ZNF680: variants seen among roughly 807,000 people sequenced by gnomAD.
ZNF680 encodes zinc finger protein 680.
ZNF680 carries 6 observed loss-of-function variants against 12.1 expected under a neutral mutation model. The ratio of observed to expected loss-of-function variants is 0.49; its 90% CI spans 0.27 to 0.98. The LOEUF (loss-of-function observed/expected upper bound fraction) is 0.98. ZNF680 is among the 50% of genes least tolerant of loss of function. ZNF680 has a pLI of 0.12. For synonymous variants in ZNF680, 170 were observed against 199.3 expected, an observed-to-expected ratio of 0.85 and a Z score of 1.24; for missense variants, 561 against 616.3, an observed-to-expected ratio of 0.91 and a Z score of 0.95.
chr7:64,519,528 C>G (rs914334906), downstream of ZNF680, among the ~76,000 whole-genome samples: 1 of 151,752 alleles, frequency 6.6e-6, no homozygotes, highest in African/African-American at 2.4e-5. Context: ...AAAAAAGATA[C>G]TTGCACACAC....
chr7:64,510,023 T>TAAA, the ZNF680 span, among the ~76,000 whole-genome samples: 1,321 of 105,854 alleles, frequency 0.012, 36 homozygotes, highest in African/African-American at 0.046. Context: ...CGTAAAACTC[T>TAAA]AAAAAAAAAA....
At chr7:64,535,836 C>A (rs1047690361) in intron 3 of ZNF680, among the ~76,000 whole-genome samples, 3 of 151,970 alleles carry the variant, frequency 2.0e-5, no homozygotes, top group African/African-American at 7.3e-5. Flanking sequence ...CCCAGCTACT[C>A]GAGAGGCTGA....
At chr7:64,518,492 T>A (rs969279895), downstream of ZNF680, among the ~76,000 whole-genome samples, 4 of 152,074 alleles carry the variant, frequency 2.6e-5, no homozygotes, top group South Asian at 6.2e-4. Flanking sequence ...AATGACTACA[T>A]TGCCAAAAGC....
chr7:64,554,796 C>T (rs1229489195), intron 1 of ZNF680, among the ~76,000 whole-genome samples: 1 of 152,036 alleles, frequency 6.6e-6, no homozygotes, highest in Non-Finnish European at 1.5e-5. Context: ...GCGGCATACT[C>T]GTTAAGAGTC....
intron 3 of ZNF680, chr7:64,525,474 T>C (rs1791788740): frequency 2.6e-5 from 4 of 152,234 alleles, no homozygotes; most frequent in Admixed American, 2.6e-4. Flanking sequence ...ACAGAGATTG[T>C]ATGAGATATA....
chr7:64,522,104 T>G lies in ZNF680; in HGVS notation c.650A>C (p.Lys217Thr), dbSNP rs766434102. ...AAGCTCTGAGAACCAGTTAAGAACTTTGCCACATTCCTCACATTTGTAAGA... is the reference window on the plus strand; with the variant it reads ...AAGCTCTGAGAACCAGTTAAGAACTGTGCCACATTCCTCACATTTGTAAGA... ...ENSYKCEECG[K>T]VLNWFSELIK... The change falls in exon 4 of 4, where the codon AAA becomes ACA. Residue 217 changes from lysine to threonine, a missense_variant. Transcript: ENST00000309683. 5.6e-6 allele frequency: 9 copies of G among 1,611,682 alleles called. No homozygotes were observed. Among genetic ancestry groups the G allele is most frequent in the Non-Finnish European group, 7.6e-6 (9 of 1,178,778 alleles).
At chr7:64,550,225 T>C (rs780834180) in intron 1 of ZNF680, among the ~76,000 whole-genome samples, 2 of 152,250 alleles carry the variant, frequency 1.3e-5, no homozygotes, top group Non-Finnish European at 2.9e-5. Flanking sequence ...TAATTGGCTA[T>C]ACATTGTTAA....
At chr7:64,500,128 C>A in the ZNF680 span, among the ~76,000 whole-genome samples, 1 of 152,154 alleles carries the variant, frequency 6.6e-6, no homozygotes, top group African/African-American at 2.4e-5. Flanking sequence ...TCAAAATAAA[C>A]CTGTCCCTGT....
intron 3 of ZNF680, among the ~76,000 whole-genome samples, chr7:64,539,065 A>T (rs1786333810): frequency 6.9e-6 from 1 of 145,736 alleles, no homozygotes; most frequent in South Asian, 2.3e-4. Flanking sequence ...TGGGAGGCGG[A>T]GACTGCAGTG....
At chr7:64,536,905 C>T (rs551091633) in intron 3 of ZNF680, among the ~76,000 whole-genome samples, 6 of 151,896 alleles carry the variant, frequency 4.0e-5, no homozygotes, top group East Asian at 1.9e-4. Context: ...CCTGTCCCTA[C>T]AAATAATCAA....
chr7:64,537,298 G>A (rs2116456602), intron 3 of ZNF680, among the ~76,000 whole-genome samples: 1 of 152,106 alleles, frequency 6.6e-6, no homozygotes, highest in East Asian at 1.9e-4. Flanking sequence ...AGTAGCCTGG[G>A]CAACAAGGTG....
At chr7:64,503,687 A>G in the ZNF680 span, among the ~76,000 whole-genome samples, 1 of 152,126 alleles carries the variant, frequency 6.6e-6, no homozygotes, top group Non-Finnish European at 1.5e-5. Flanking sequence ...GCCATCTGTG[A>G]GTCTTTTGTC....
At chr7:64,544,166 T>C in intron 2 of ZNF680, 140 bp downstream of exon 2, 1 of 1,310,248 alleles carries the variant, frequency 7.6e-7, no homozygotes, top group South Asian at 1.4e-5. Context: ...TTTTTCTACA[T>C]GGACAAAGCT....
chr7:64,562,984 A>C lies in ZNF680; in HGVS notation c.-30T>G. ...GCTGTGCATCTCCCAATACCTGCAGATAACGGAGTCACAGAGGCTGGGCCT... is the reference window on the plus strand; with the variant it reads ...GCTGTGCATCTCCCAATACCTGCAGCTAACGGAGTCACAGAGGCTGGGCCT... On this transcript the variant is annotated 5_prime_UTR_variant, in exon 1 of 4. Transcript: ENST00000309683. The C allele has an allele frequency of 6.2e-7, 1 of 1,613,040 alleles. No homozygotes were observed. The highest frequency in any genetic ancestry group is 8.5e-7 in the Non-Finnish European group (1 of 1,179,252).
At chr7:64,558,050 G>A (rs1052115251) in intron 1 of ZNF680, among the ~76,000 whole-genome samples, 4 of 152,218 alleles carry the variant, frequency 2.6e-5, no homozygotes, top group African/African-American at 9.6e-5. Context: ...GTGGAGGATA[G>A]TGCAATGTAG....
chr7:64,508,547 G>A, the ZNF680 span, among the ~76,000 whole-genome samples: 3 of 151,956 alleles, frequency 2.0e-5, no homozygotes, highest in Non-Finnish European at 2.9e-5. Flanking sequence ...TGAAACAGAC[G>A]GGAATTACTA....
intron 1 of ZNF680, among the ~76,000 whole-genome samples, chr7:64,559,345 G>T (rs750705248): frequency 6.6e-6 from 1 of 152,162 alleles, no homozygotes; most frequent in Non-Finnish European, 1.5e-5. Flanking sequence ...TTATTCATTT[G>T]GGGGGCTGTA....
intron 3 of ZNF680, among the ~76,000 whole-genome samples, chr7:64,531,253 A>C (rs1022155019): frequency 5.3e-5 from 8 of 152,168 alleles, no homozygotes; most frequent in African/African-American, 1.9e-4. Flanking sequence ...TCAATAAGTT[A>C]AAGAATATTG....
At chr7:64,555,181 A>C (rs1244099828) in intron 1 of ZNF680, among the ~76,000 whole-genome samples, 2 of 152,116 alleles carry the variant, frequency 1.3e-5, no homozygotes, top group African/African-American at 4.8e-5. Context: ...CAGTCCTACA[A>C]AACTCTTAAT....
Sources: allele counts gnomAD v4.1 joint callset (sites outside exome capture counted in the v4.1 genomes callset), GRCh38; gene constraint gnomAD v4.1.1; transcripts MANE v1.5; gene names NCBI Gene and HGNC (gene_info 2026-07-23, HGNC 2026-07-21).